TRAP1: variants seen among roughly 807,000 people sequenced by gnomAD.
The protein encoded by TRAP1 is heat shock protein 75 kDa, mitochondrial.
TRAP1 carries 102 observed loss-of-function variants against 89.1 expected under a neutral mutation model. The ratio of observed to expected loss-of-function variants is 1.15; its 90% CI spans 0.98 to 1.35. The LOEUF (loss-of-function observed/expected upper bound fraction) is 1.35. Ranked by LOEUF, TRAP1 falls within the 40% of genes most tolerant of loss-of-function variation. The pLI, the probability that TRAP1 is intolerant of heterozygous loss-of-function variation, is 0.00. For synonymous variants in TRAP1, 508 were observed against 388.0 expected (o/e 1.31, Z -3.64); for missense variants, 1,256 against 945.3 (o/e 1.33, Z -4.31).
At chr16:3,702,351 G>A (rs979949783) in intron 1 of TRAP1, among the ~76,000 whole-genome samples, 1 of 151,798 alleles carries the variant, frequency 6.6e-6, no homozygotes, top group Non-Finnish European at 1.5e-5. Flanking sequence ...ACAAGGACGA[G>A]GTACAAGGTG....
At chr16:3,708,637 A>T (rs996231149) in intron 1 of TRAP1, among the ~76,000 whole-genome samples, 1 of 151,464 alleles carries the variant, frequency 6.6e-6, no homozygotes, top group African/African-American at 2.4e-5. Flanking sequence ...ACTCCATCTC[A>T]AAATAAATAA....
intron 1 of TRAP1, among the ~76,000 whole-genome samples, chr16:3,712,490 C>A (rs2051545817): frequency 6.6e-6 from 1 of 152,008 alleles, no homozygotes; most frequent in African/African-American, 2.4e-5. Flanking sequence ...CCGCAAGCTG[C>A]ATTCCCTCTC....
At chr16:3,713,563 C>A (rs1035231788) in intron 1 of TRAP1, among the ~76,000 whole-genome samples, 5 of 152,180 alleles carry the variant, frequency 3.3e-5, no homozygotes, top group African/African-American at 1.2e-4. Flanking sequence ...CCAGTCCTAT[C>A]GTGGTTGCCT....
In TRAP1 at chr16:3,689,084, C is replaced by T; in HGVS notation, c.301G>A (p.Val101Ile). The change falls in exon 3 of 18, where the codon GTT becomes ATT. Residue 101 changes from valine (V) to isoleucine (I), a missense_variant. Val to Ile is a conservative substitution (Grantham distance 29). Coordinates refer to ENST00000246957, the MANE Select transcript of TRAP1 (RefSeq NM_016292.3). ...TTTTCTGAGTACAGGGACCGGGCAA[C>T]AATGTCCAAAAGCTTCTTTGTCTCG... Reference protein sequence around the residue: ...QAETKKLLDIVARSLYSEKEV... With the variant: ...QAETKKLLDIIARSLYSEKEV... 1 of 1,613,928 alleles carries T rather than the reference C, an allele frequency of 6.2e-7. No homozygotes were observed. Among genetic ancestry groups the T allele is most frequent in the Non-Finnish European group, 8.5e-7 (1 of 1,179,958 alleles).
intron 11 of TRAP1, among the ~76,000 whole-genome samples, chr16:3,668,233 T>C (rs1429103307): frequency 1.3e-5 from 2 of 151,634 alleles, no homozygotes. Context: ...AATTTTTCTA[T>C]TTTTTAAGTA....
chr16:3,671,113 G>A (rs1011577070), intron 11 of TRAP1, among the ~76,000 whole-genome samples: 1 of 152,100 alleles, frequency 6.6e-6, no homozygotes, highest in African/African-American at 2.4e-5. Flanking sequence ...GTGGGCTCTT[G>A]AGAGACCTCC....
chr16:3,664,028 A>C, intron 13 of TRAP1: 1 of 458,270 alleles, frequency 2.2e-6, no homozygotes. Context: ...GCACCACTGC[A>C]CTCTAGCCTG....
chr16:3,702,422 ACTTTC>A (rs1209428919), intron 1 of TRAP1, among the ~76,000 whole-genome samples: 1 of 151,408 alleles, frequency 6.6e-6, no homozygotes, highest in Non-Finnish European at 1.5e-5. Flanking sequence ...TTGAGAAAAG[ACTTTC>A]ATTTTTCAAG....
chr16:3,701,692 G>C (rs573506409), intron 1 of TRAP1, among the ~76,000 whole-genome samples: 1 of 152,278 alleles, frequency 6.6e-6, no homozygotes, highest in East Asian at 1.9e-4. Flanking sequence ...GAGCTATGTA[G>C]TGAGTAACAG....
chr16:3,677,611 G>C lies in TRAP1; in HGVS notation c.591C>G (p.Ile197Met), dbSNP rs781130074. The change falls in exon 6 of 18, where the codon ATC becomes ATG. Residue 197 changes from isoleucine to methionine, a missense_variant. Ile to Met is a conservative substitution (Grantham distance 10). Coordinates refer to ENST00000246957, the MANE Select transcript of TRAP1 (RefSeq NM_016292.3). ...AGAAACCCACTCCAAACTGGCCGAT[G>C]ATCTTGCTGCTGGCCTCAGCCTGGT... ...LQNQAEASSK[I>M]IGQFGVGFYS... 6.2e-6 allele frequency: 10 copies of C among 1,614,096 alleles called. No homozygotes were observed. The highest frequency in any genetic ancestry group is 1.6e-4 in the Middle Eastern group (1 of 6,062).
chr16:3,709,932 G>C (rs1188192054), intron 1 of TRAP1, among the ~76,000 whole-genome samples: 1 of 152,210 alleles, frequency 6.6e-6, no homozygotes, highest in Non-Finnish European at 1.5e-5. Flanking sequence ...TTACAGGCGT[G>C]AGCCACCGCG....
At chr16:3,661,801 G>C in intron 16 of TRAP1, 186 bp downstream of exon 16, 3 of 660,928 alleles carry the variant, frequency 4.5e-6, no homozygotes, top group Non-Finnish European at 6.7e-6. Context: ...CCTGGGGATG[G>C]TAAGGGGCTG....
At chr16:3,697,971 G>GT (rs961550991) in intron 1 of TRAP1, among the ~76,000 whole-genome samples, 8 of 151,160 alleles carry the variant, frequency 5.3e-5, no homozygotes, top group African/African-American at 9.7e-5. Context: ...GTGTTTTTTT[G>GT]TTTTTTTGTT....
rs1471357560 is a variant in TRAP1 at position 3,671,655 on chromosome 16, TG to T, written c.1235+66del. 11 of 1,557,622 alleles carry T rather than the reference TG, an allele frequency of 7.1e-6. No individual in the cohort carries two copies. The Admixed American group carries it at 8.8e-5, about 12-fold the overall frequency. On this transcript the variant is annotated intron_variant, in intron 11 of 17. Coordinates refer to ENST00000246957, the MANE Select transcript of TRAP1 (RefSeq NM_016292.3). ...TCCATGGGCCACGGCTAGGGCCCTCTGGGGGCAAAGGAGCAGGTAGGGGCCT... is the reference window on the plus strand; with the variant it reads ...TCCATGGGCCACGGCTAGGGCCCTCTGGGGCAAAGGAGCAGGTAGGGGCCT...
chr16:3,686,202 A>G, intron 3 of TRAP1, 66 bp from the exon 4 acceptor site: 1 of 1,554,934 alleles, frequency 6.4e-7, no homozygotes, highest in Non-Finnish European at 8.8e-7. Context: ...CTATCTGGTC[A>G]GCTGCACTTC....
rs530234192 is a variant in TRAP1, at chr16:3,689,314, G to A, written c.248-177C>T. 2.5e-4 allele frequency among the ~76,000 whole-genome samples: 37 copies of A among 146,778 alleles called. No homozygotes were observed. The South Asian group carries it at 5.8e-3, about 23-fold the overall frequency. On this transcript the variant is annotated intron_variant, in intron 2 of 17. Coordinates refer to ENST00000246957, the MANE Select transcript of TRAP1 (RefSeq NM_016292.3). ...GGCTGGAGTACAGTGGCACGATCTC[G>A]GCTCACTGCAAGCTCTGCCTCCCGG...
At chr16:3,688,829 C>T (rs955173986) in intron 3 of TRAP1, among the ~76,000 whole-genome samples, 11 of 152,082 alleles carry the variant, frequency 7.2e-5, no homozygotes, top group Non-Finnish European at 5.9e-5. Context: ...TCAATTAATT[C>T]CCAGAGTTGA....
At chr16:3,703,946 C>T (rs1044363519) in intron 1 of TRAP1, among the ~76,000 whole-genome samples, 3 of 149,174 alleles carry the variant, frequency 2.0e-5, no homozygotes, top group Admixed American at 1.3e-4. Context: ...ACGCGGGAGG[C>T]GGAGCGTGCA....
At chr16:3,692,950 C>T (rs1321324552) in intron 1 of TRAP1, among the ~76,000 whole-genome samples, 1 of 150,642 alleles carries the variant, frequency 6.6e-6, no homozygotes, top group Non-Finnish European at 1.5e-5. Flanking sequence ...CAGCACAAAC[C>T]TGGCCTTTTG....
Sources: allele counts gnomAD v4.1 joint callset (sites outside exome capture counted in the v4.1 genomes callset), GRCh38; gene constraint gnomAD v4.1.1; transcripts MANE v1.5; gene names NCBI Gene and HGNC (gene_info 2026-07-23, HGNC 2026-07-21).